The following PACRG variants were observed in gnomAD, a reference collection of about 807,000 sequenced individuals.
PACRG encodes parkin coregulated gene protein.
In PACRG, 29 loss-of-function variants were observed where a neutral mutation model predicts 29.7. The ratio of observed to expected loss-of-function variants is 0.98; its 90% confidence interval spans 0.73 to 1.33. The LOEUF (loss-of-function observed/expected upper bound fraction) is 1.33, where lower values mean the gene tolerates loss of function less well. Among genes scored for constraint, PACRG ranks in the 40% most tolerant of loss-of-function variants. The pLI is 0.00. For missense variants in PACRG, 279 were observed against 316.2 expected (o/e 0.88, Z 0.89); for synonymous variants, 116 against 118.7 (o/e 0.98, Z 0.15).
At chr6:162,997,285 G>T (rs1804156858) in intron 2 of PACRG, 1 of 316,430 alleles carries the variant, frequency 3.2e-6, no homozygotes, top group Non-Finnish European at 6.2e-6. Context: ...ACTATAATTG[G>T]ATTGTCGGAA....
At chr6:162,935,323 A>T (rs1011040937) in intron 2 of PACRG, among the ~76,000 whole-genome samples, 1 of 151,442 alleles carries the variant, frequency 6.6e-6, no homozygotes, top group Admixed American at 6.6e-5. Flanking sequence ...CCAAAATGCA[A>T]AACTTTTTTC....
chr6:162,872,413 G>T (rs747150219), intron 2 of PACRG, among the ~76,000 whole-genome samples: 2 of 152,048 alleles, frequency 1.3e-5, no homozygotes, highest in Non-Finnish European at 2.9e-5. Flanking sequence ...ATAAACTTAC[G>T]CCAACAAAAA....
intron 4 of PACRG, among the ~76,000 whole-genome samples, chr6:163,201,224 A>C (rs1780685088): frequency 6.6e-6 from 1 of 152,236 alleles, no homozygotes; most frequent in African/African-American, 2.4e-5. Flanking sequence ...TAATTTACAG[A>C]AAGTGTCACA....
chr6:162,970,266 C>T (rs1801413973), intron 2 of PACRG, among the ~76,000 whole-genome samples: 1 of 152,158 alleles, frequency 6.6e-6, no homozygotes, highest in Non-Finnish European at 1.5e-5. Flanking sequence ...TGAAATGCCA[C>T]GTGGAGCTAA....
intron 4 of PACRG, among the ~76,000 whole-genome samples, chr6:163,223,506 A>G (rs1015191737): frequency 6.6e-6 from 1 of 152,234 alleles, no homozygotes. Flanking sequence ...TGAGCTCCAC[A>G]CACAATGGGA....
intron 2 of PACRG, among the ~76,000 whole-genome samples, chr6:163,020,257 G>A (rs1806487720): frequency 6.6e-6 from 1 of 152,190 alleles, no homozygotes; most frequent in Admixed American, 6.5e-5. Context: ...GAATGTGAGA[G>A]TATTTCTAAT....
intron 2 of PACRG, among the ~76,000 whole-genome samples, chr6:162,845,720 A>G (rs1390556416): frequency 1.3e-5 from 2 of 152,186 alleles, no homozygotes; most frequent in South Asian, 4.1e-4. Context: ...TAGCTTCATT[A>G]AAAGTATTTT....
chr6:163,015,089 A>G (rs1805973211), intron 2 of PACRG, among the ~76,000 whole-genome samples: 1 of 152,150 alleles, frequency 6.6e-6, no homozygotes, highest in South Asian at 2.1e-4. Flanking sequence ...TTCCAGCACT[A>G]TTTATTAAAT....
At chr6:162,786,932 T>A (rs1284704218) in intron 1 of PACRG, among the ~76,000 whole-genome samples, 2 of 152,098 alleles carry the variant, frequency 1.3e-5, no homozygotes, top group Non-Finnish European at 2.9e-5. Context: ...AAATCTAATA[T>A]AGCGCACGAT....
At chr6:162,974,931 C>A (rs1352201814) in intron 2 of PACRG, among the ~76,000 whole-genome samples, 1 of 152,120 alleles carries the variant, frequency 6.6e-6, no homozygotes, top group Non-Finnish European at 1.5e-5. Context: ...GCTCTTTTGC[C>A]ACGGCTTGCT....
intron 2 of PACRG, among the ~76,000 whole-genome samples, chr6:162,997,126 T>C (rs1235244179): frequency 6.6e-6 from 1 of 152,232 alleles, no homozygotes; most frequent in African/African-American, 2.4e-5. Context: ...TTGATAAAGA[T>C]AAAACTTGAC....
intron 4 of PACRG, among the ~76,000 whole-genome samples, chr6:163,093,156 G>A (rs978515938): frequency 6.6e-6 from 1 of 152,232 alleles, no homozygotes; most frequent in African/African-American, 2.4e-5. Flanking sequence ...AGTTTAGGGA[G>A]CATCGTATTT....
At chr6:163,232,470 G>A (rs950918123) in intron 4 of PACRG, among the ~76,000 whole-genome samples, 2 of 152,122 alleles carry the variant, frequency 1.3e-5, no homozygotes, top group African/African-American at 4.8e-5. Flanking sequence ...AAGAGGAAAG[G>A]AGGAACAAAG....
chr6:163,049,798 A>T (rs1809803697), intron 2 of PACRG, among the ~76,000 whole-genome samples: 1 of 152,136 alleles, frequency 6.6e-6, no homozygotes. Context: ...CTTTGGACAG[A>T]CATTAGAAAA....
chr6:163,295,146 A>C (rs953725571), intron 4 of PACRG, among the ~76,000 whole-genome samples: 3 of 152,250 alleles, frequency 2.0e-5, no homozygotes, highest in Non-Finnish European at 2.9e-5. Context: ...TTTTTTAGCC[A>C]AAAATAGTTG....
chr6:162,984,909 T>A (rs924831977), intron 2 of PACRG, among the ~76,000 whole-genome samples: 1 of 151,866 alleles, frequency 6.6e-6, no homozygotes, highest in Non-Finnish European at 1.5e-5. Flanking sequence ...TGGATATTCA[T>A]CCTTTGTTGG....
intron 2 of PACRG, among the ~76,000 whole-genome samples, chr6:162,926,972 A>G (rs1192874880): frequency 2.6e-5 from 4 of 152,006 alleles, no homozygotes; most frequent in Non-Finnish European, 5.9e-5. Flanking sequence ...AAAACAAACA[A>G]CTCCATCAAA....
At chr6:163,202,715 T>A (rs1780755759) in intron 4 of PACRG, among the ~76,000 whole-genome samples, 1 of 152,204 alleles carries the variant, frequency 6.6e-6, no homozygotes, top group African/African-American at 2.4e-5. Context: ...TTGCAATTTA[T>A]CTAAGCAATC....
chr6:162,943,321 T>C (rs929982241), intron 2 of PACRG, among the ~76,000 whole-genome samples: 1 of 152,176 alleles, frequency 6.6e-6, no homozygotes, highest in African/African-American at 2.4e-5. Context: ...CTGCCATCGC[T>C]GCTGGCTGCT....
Sources: gnomAD v4.1 joint callset for allele counts (sites outside exome capture counted in the v4.1 genomes callset) on GRCh38, gnomAD v4.1.1 for gene constraint, MANE v1.5 for transcripts, NCBI Gene and HGNC (gene_info 2026-07-23, HGNC 2026-07-21) for gene names.